The following AFG2A variants were observed in gnomAD, a reference collection of about 807,000 sequenced individuals.
The protein encoded by AFG2A is ATPase family gene 2 protein homolog A.
At chr4:122,967,501 C>A in the AFG2A span, among the ~76,000 whole-genome samples, 4 of 152,032 alleles carry the variant, frequency 2.6e-5, no homozygotes, top group Admixed American at 2.0e-4. Flanking sequence ...CAACCATATT[C>A]GTTTGTATAA....
At chr4:123,050,499 G>C in the AFG2A span, among the ~76,000 whole-genome samples, 1 of 152,104 alleles carries the variant, frequency 6.6e-6, no homozygotes, top group African/African-American at 2.4e-5. Flanking sequence ...TTGGGTGCAT[G>C]TTTTTAATTT....
At chr4:123,100,940 G>A in the AFG2A span, among the ~76,000 whole-genome samples, 1 of 151,864 alleles carries the variant, frequency 6.6e-6, no homozygotes, top group African/African-American at 2.4e-5. Context: ...TTATTTCCAT[G>A]GCTATGGCTA....
At chr4:123,125,557 C>T in the AFG2A span, among the ~76,000 whole-genome samples, 1 of 152,184 alleles carries the variant, frequency 6.6e-6, no homozygotes, top group Non-Finnish European at 1.5e-5. Context: ...GTGAAAGTCA[C>T]CAGTGACTAC....
chr4:123,129,191 A>G, the AFG2A span, among the ~76,000 whole-genome samples: 1 of 152,240 alleles, frequency 6.6e-6, no homozygotes, highest in Non-Finnish European at 1.5e-5. Context: ...TCAAACAAGT[A>G]TTAACTAATA....
chr4:123,269,614 T>A, the AFG2A span, among the ~76,000 whole-genome samples: 1 of 152,210 alleles, frequency 6.6e-6, no homozygotes, highest in Non-Finnish European at 1.5e-5. Flanking sequence ...ATTCCTGACA[T>A]TTTAAAGTTT....
chr4:123,255,099 G>GAC, the AFG2A span, among the ~76,000 whole-genome samples: 1 of 152,090 alleles, frequency 6.6e-6, no homozygotes, highest in Non-Finnish European at 1.5e-5. Context: ...GAGTGGCTGG[G>GAC]ACTACAGGCA....
the AFG2A span, among the ~76,000 whole-genome samples, chr4:123,140,365 A>T: frequency 6.6e-6 from 1 of 152,112 alleles, no homozygotes; most frequent in Admixed American, 6.5e-5. Context: ...TTTTACTTAC[A>T]TTCCAACATC....
the AFG2A span, among the ~76,000 whole-genome samples, chr4:122,991,649 GAAAC>G: frequency 2.6e-5 from 4 of 152,206 alleles, no homozygotes; most frequent in Non-Finnish European, 5.9e-5. Context: ...TTTAGGCTGA[GAAAC>G]AGTGCTCTAT....
chr4:123,202,017 A>C, the AFG2A span, among the ~76,000 whole-genome samples: 1 of 152,238 alleles, frequency 6.6e-6, no homozygotes, highest in Non-Finnish European at 1.5e-5. Flanking sequence ...TGATTGAAAA[A>C]TGTAATAGGA....
the AFG2A span, among the ~76,000 whole-genome samples, chr4:123,220,999 GT>G: frequency 6.6e-6 from 1 of 152,168 alleles, no homozygotes; most frequent in African/African-American, 2.4e-5. Context: ...TATGTAGTGT[GT>G]ATCTCTGGGA....
the AFG2A span, among the ~76,000 whole-genome samples, chr4:123,059,920 T>C: frequency 5.3e-5 from 8 of 152,240 alleles, no homozygotes; most frequent in African/African-American, 1.9e-4. Flanking sequence ...GTGAGCATTT[T>C]TTCATGTGTT....
chr4:123,316,741 C>CA, the AFG2A span: 2 of 152,174 alleles, frequency 1.3e-5, no homozygotes, highest in Middle Eastern at 6.8e-3. Flanking sequence ...TATTAATAGC[C>CA]ACTCAAAGCC....
At chr4:123,228,671 T>C in the AFG2A span, among the ~76,000 whole-genome samples, 6 of 152,102 alleles carry the variant, frequency 3.9e-5, no homozygotes, top group East Asian at 1.2e-3. Flanking sequence ...GCAACTAGAA[T>C]TAACACATTT....
the AFG2A span, among the ~76,000 whole-genome samples, chr4:123,034,040 G>A: frequency 3.9e-5 from 6 of 152,142 alleles, no homozygotes; most frequent in Non-Finnish European, 8.8e-5. Context: ...GATAAGTCAT[G>A]TTGACAGTAC....
the AFG2A span, chr4:123,256,675 T>C: frequency 1.0e-6 from 1 of 984,536 alleles, no homozygotes; most frequent in African/African-American, 1.7e-5. Flanking sequence ...GTTATCTCAG[T>C]CTAATTTTGT....
chr4:123,124,246 C>T, the AFG2A span, among the ~76,000 whole-genome samples: 1 of 152,136 alleles, frequency 6.6e-6, no homozygotes, highest in Non-Finnish European at 1.5e-5. Context: ...CCCAAATGTC[C>T]ATCAGTGATA....
chr4:123,242,787 GAA>G, the AFG2A span, among the ~76,000 whole-genome samples: 1 of 152,068 alleles, frequency 6.6e-6, no homozygotes, highest in African/African-American at 2.4e-5. Context: ...CACAGCGAAA[GAA>G]ACTACCATCA....
At chr4:123,059,163 A>ATT in the AFG2A span, among the ~76,000 whole-genome samples, 2 of 36,804 alleles carry the variant, frequency 5.4e-5, no homozygotes, top group African/African-American at 5.1e-5. Flanking sequence ...TTATTTTATT[A>ATT]TTATTATACT....
At chr4:123,083,938 G>T in the AFG2A span, among the ~76,000 whole-genome samples, 1 of 152,130 alleles carries the variant, frequency 6.6e-6, no homozygotes, top group African/African-American at 2.4e-5. Context: ...AACGATCTGG[G>T]TTTTGTGCTT....
Sources: allele counts gnomAD v4.1 joint callset (sites outside exome capture counted in the v4.1 genomes callset), GRCh38; gene constraint gnomAD v4.1.1; transcripts MANE v1.5; gene names NCBI Gene and HGNC (gene_info 2026-07-23, HGNC 2026-07-21).